The following TASOR variants were observed in gnomAD, a reference collection of about 807,000 sequenced individuals.
The protein encoded by TASOR is transcription activation suppressor, also known as protein TASOR.
A neutral mutation model predicts 178.6 loss-of-function variants in TASOR; 53 were observed. The observed-to-expected ratio is 0.30, with a 90% CI of 0.24 to 0.37. The LOEUF is 0.37. Among genes scored for constraint, TASOR ranks in the 10% least tolerant of loss-of-function variants. The pLI, the probability that TASOR is intolerant of heterozygous loss-of-function variation, is 1.00. For missense variants in TASOR, 1,815 were observed against 1,971.4 expected, an observed-to-expected ratio of 0.92 and a Z score of 1.50; for synonymous variants, 713 against 696.2, an observed-to-expected ratio of 1.02 and a Z score of -0.38.
chr3:56,673,457 A>C (rs1042664260), intron 2 of TASOR, 123 bp downstream of exon 2: 5 of 596,372 alleles, frequency 8.4e-6, no homozygotes, highest in African/African-American at 8.4e-5. Context: ...AAAAAAAAAA[A>C]ACTTGTTTTC....
intron 11 of TASOR, among the ~76,000 whole-genome samples, chr3:56,654,244 G>A (rs1326499799): frequency 6.6e-6 from 1 of 151,918 alleles, no homozygotes; most frequent in Non-Finnish European, 1.5e-5. Flanking sequence ...TCTGGCCTGG[G>A]AGACAAGAGC....
At chr3:56,678,405 ACTCCT>A (rs2031511654) in intron 1 of TASOR, among the ~76,000 whole-genome samples, 1 of 150,290 alleles carries the variant, frequency 6.7e-6, no homozygotes, top group African/African-American at 2.5e-5. Context: ...CTGGTCTCAA[ACTCCT>A]GACCTCGTGA....
In TASOR at chr3:56,646,172, G is replaced by C. The variant is rs1000842742; in HGVS notation, c.2215+350C>G. 4.6e-5 allele frequency among the ~76,000 whole-genome samples: 7 copies of C among 152,148 alleles called. 1 individual carries two copies. The highest frequency in any genetic ancestry group is 1.3e-4 in the Admixed American group (2 of 15,266). ...CAAAAAAAATAAAGGAATATAAAAG[G>C]ACAAGAGTTCTGATTAGTATTATTA... On this transcript the variant is annotated intron_variant, in intron 14 of 23. Coordinates refer to ENST00000683822, the MANE Select transcript of TASOR (RefSeq NM_001365635.2).
chr3:56,671,792 A>C, intron 2 of TASOR, 100 bp from the exon 3 acceptor site: 3 of 826,664 alleles, frequency 3.6e-6, no homozygotes, highest in South Asian at 1.8e-5. Context: ...ACCTACCAAA[A>C]TGGAAAAATA....
At chr3:56,661,367 G>A (rs1578265847) in intron 9 of TASOR, among the ~76,000 whole-genome samples, 3 of 152,048 alleles carry the variant, frequency 2.0e-5, no homozygotes, top group Non-Finnish European at 2.9e-5. Context: ...CGTTGCTCAG[G>A]CTGGTCTCAA....
chr3:56,680,748 TAC>T (rs2031709800), intron 1 of TASOR, among the ~76,000 whole-genome samples: 1 of 152,112 alleles, frequency 6.6e-6, no homozygotes, highest in South Asian at 2.1e-4. Context: ...TATAAATAAT[TAC>T]ACAAGTTAAA....
Position 56,670,077 on chromosome 3 carries a change from G to T in TASOR, c.639C>A (p.Ser213=), listed in dbSNP as rs1370500803. Residue 213 remains serine, a synonymous_variant, in exon 4 of 24, where the codon TCC becomes TCA. Coordinates refer to ENST00000683822, the MANE Select transcript of TASOR (RefSeq NM_001365635.2). ...QSKITILGSP[S]MGVYLSRYAD... ...TTTAAAAAGAAAAAAGATTACCCAT[G>T]GAAGGACTGCCAAGAATTGTTATTT... The T allele has an allele frequency of 3.3e-6, 5 of 1,534,152 alleles. No homozygotes were observed. The Admixed American group carries it at 1.0e-4, about 31-fold the overall frequency.
Position 56,633,087 on chromosome 3 carries a change from T to G in TASOR, c.3704A>C (p.Tyr1235Ser). 6.2e-7 allele frequency: 1 copy of G among 1,608,176 alleles called. No individual in the cohort carries two copies. The highest frequency in any genetic ancestry group is 8.5e-7 in the Non-Finnish European group (1 of 1,178,300). ...KDVQKNTVKFYIHEEEESVLC... is the reference protein window; with the variant it reads ...KDVQKNTVKFSIHEEEESVLC... ...CACACTCTCTTCTTCTTCATGAATA[T>G]AAAATTTCACAGTATTTTTCTGGAC... Residue 1235 changes from tyrosine (Y) to serine (S), a missense_variant, in exon 18 of 24, where the codon TAT becomes TCT. This residue lies in a region of TASOR where 655 missense variants were observed against 671.1 expected (regional missense o/e 0.98). Transcript: ENST00000683822.
intron 11 of TASOR, among the ~76,000 whole-genome samples, chr3:56,656,563 C>A (rs1187109811): frequency 6.6e-6 from 1 of 151,942 alleles, no homozygotes; most frequent in Admixed American, 6.6e-5. Context: ...TGCATTCCAG[C>A]CTGGGTGACA....
chr3:56,646,390 T>C, intron 14 of TASOR, 132 bp downstream of exon 14: 1 of 709,194 alleles, frequency 1.4e-6, no homozygotes, highest in East Asian at 2.7e-5. Context: ...TGTATTCAAA[T>C]ACAACTTTCT....
chr3:56,633,349 C>T lies in TASOR; in HGVS notation c.3442G>A (p.Asp1148Asn), dbSNP rs148273257. ...CSDPLKDTNS[D>N]EQHSTSALTE... ...AAAGCCGAAGTGGAATGCTGCTCAT[C>T]AGAGTTGGTATCTTTCAAAGGATCA... Residue 1148 changes from aspartate (D) to asparagine (N), a missense_variant, in exon 18 of 24, where the codon GAT becomes AAT. Physicochemically the swap from Asp to Asn is conservative, Grantham distance 23. This residue lies in a region of TASOR where 655 missense variants were observed against 671.1 expected (regional missense o/e 0.98). Coordinates refer to ENST00000683822, the MANE Select transcript of TASOR (RefSeq NM_001365635.2). 4.6e-5 allele frequency: 74 copies of T among 1,614,142 alleles called. No individual in the cohort carries two copies. In the African/African-American group the frequency reaches 8.3e-4, roughly 18 times the overall value.
rs1278591766 is a variant in TASOR at position 56,620,619 on chromosome 3, TC to T, written c.*2417del. 6.6e-6 allele frequency: 1 copy of T among 152,154 alleles called. No individual in the cohort carries two copies. Among genetic ancestry groups the T allele is most frequent in the Non-Finnish European group, 1.5e-5 (1 of 68,038 alleles). The allele number at this position is 152,154 out of a possible 1,614,324, so 9.4% of individuals were successfully genotyped here. On this transcript the variant is annotated 3_prime_UTR_variant, in exon 24 of 24. Coordinates refer to ENST00000683822, the MANE Select transcript of TASOR (RefSeq NM_001365635.2). ...TTCCCTCTACAGAACTAGAAAATTG[TC>T]CCCCCACTTTGGTCTATTTACTCAT...
In TASOR at chr3:56,663,323, T is replaced by C. The variant is rs1163331841; in HGVS notation, c.1054+218A>G. Among the ~76,000 whole-genome samples, 4 of 152,256 alleles carry C rather than the reference T, an allele frequency of 2.6e-5. No individual in the cohort carries two copies. In the East Asian group the frequency reaches 7.7e-4, roughly 29 times the overall value. ...TATGAAACCTGTTTTATTTTTTATCTTTTTCTATTAAAGTGCTAAAACCTT... is the reference window on the plus strand; with the variant it reads ...TATGAAACCTGTTTTATTTTTTATCCTTTTCTATTAAAGTGCTAAAACCTT... On this transcript the variant is annotated intron_variant, in intron 8 of 23. Coordinates refer to ENST00000683822, the MANE Select transcript of TASOR (RefSeq NM_001365635.2).
Position 56,646,725 on chromosome 3 carries a change from G to A in TASOR, c.2012C>T (p.Ser671Phe), listed in dbSNP as rs1288589405. 6.2e-7 allele frequency: 1 copy of A among 1,613,732 alleles called. No homozygotes were observed. Among genetic ancestry groups the A allele is most frequent in the Non-Finnish European group, 8.5e-7 (1 of 1,179,928 alleles). Residue 671 changes from serine to phenylalanine, a missense_variant, in exon 14 of 24, where the codon TCT becomes TTT. By Grantham distance (155) the Ser-to-Phe change is radical (BLOSUM62 -2). Transcript: ENST00000683822. ...ATCCTTATCATAATCCAAAGAATGAGATGATCTTTGCTTTCCAGATATAAT... is the reference window on the plus strand; with the variant it reads ...ATCCTTATCATAATCCAAAGAATGAAATGATCTTTGCTTTCCAGATATAAT... ...EAIISGKQRS[S>F]HSLDYDKDRV... is the part of the protein sequence containing the mutation.
intron 23 of TASOR, 70 bp from the exon 24 acceptor site, chr3:56,623,636 C>T: frequency 1.9e-6 from 3 of 1,542,684 alleles, no homozygotes; most frequent in Non-Finnish European, 2.6e-6. Flanking sequence ...AAATTATACA[C>T]TACTCACACA....
At chr3:56,629,285 T>G (rs1025803028) in intron 18 of TASOR, among the ~76,000 whole-genome samples, 1 of 152,138 alleles carries the variant, frequency 6.6e-6, no homozygotes, top group African/African-American at 2.4e-5. Context: ...GGTTAATGAT[T>G]AGACTCTAGG....
chr3:56,636,389 T>TTGG (rs200093726), intron 17 of TASOR, among the ~76,000 whole-genome samples: 2,165 of 150,198 alleles, frequency 0.014, 50 homozygotes, highest in African/African-American at 0.043. Context: ...GCTTTTGTTG[T>TTGG]TGGTGGTGGT....
At chr3:56,627,854 T>A in intron 19 of TASOR, 113 bp from the exon 20 acceptor site, 2 of 865,848 alleles carry the variant, frequency 2.3e-6, no homozygotes, top group Non-Finnish European at 3.6e-6. Context: ...TCATCTATAT[T>A]AGTGGATTAC....
In TASOR at chr3:56,622,850, A is replaced by G. The variant is rs550618645; in HGVS notation, c.*187T>C. The G allele has an allele frequency of 2.6e-6, 1 of 384,968 alleles. No homozygotes were observed. The highest frequency in any genetic ancestry group is 4.6e-6 in the Non-Finnish European group (1 of 219,394). The allele number at this position is 384,968 out of a possible 1,614,324, so 23.8% of individuals were successfully genotyped here. On this transcript the variant is annotated 3_prime_UTR_variant, in exon 24 of 24. Transcript: ENST00000683822. ...AGAAGTGCCAACATGAGATAATTCA[A>G]GTACAATATATGTTAAAAATATATA...
Sources: allele counts gnomAD v4.1 joint callset (sites outside exome capture counted in the v4.1 genomes callset), GRCh38; gene constraint gnomAD v4.1.1; regional missense constraint gnomAD v4.1.1; transcripts MANE v1.5; gene names NCBI Gene and HGNC (gene_info 2026-07-23, HGNC 2026-07-21).